Variants in CFAP46 observed in about 807,000 individuals in gnomAD.
CFAP46 encodes cilia- and flagella-associated protein 46.
In CFAP46, 245 loss-of-function variants were observed where a neutral mutation model predicts 325.7. The ratio of observed to expected loss-of-function variants is 0.75; its 90% confidence interval spans 0.68 to 0.84. The LOEUF (loss-of-function observed/expected upper bound fraction) is 0.84. CFAP46 is among the 40% of genes least tolerant of loss of function. CFAP46 has a pLI of 0.00. For synonymous variants in CFAP46, 1,523 were observed against 1,495.9 expected, an observed-to-expected ratio of 1.02 and a Z score of -0.42; for missense variants, 3,346 against 3,543.0, an observed-to-expected ratio of 0.94 and a Z score of 1.41.
intron 35 of CFAP46, among the ~76,000 whole-genome samples, chr10:132,864,144 CT>C (rs2135254950): frequency 7.2e-6 from 1 of 138,334 alleles, no homozygotes. Context: ...ACCTGTCCCC[CT>C]GCCTGAGACC....
At position 132,886,914 on chromosome 10, in the gene CFAP46, C is replaced by T. The variant is rs1849140342; in HGVS notation, c.3305-955G>A. Among the ~76,000 whole-genome samples, 1 of 152,076 alleles carries T rather than the reference C, an allele frequency of 6.6e-6. No individual in the cohort carries two copies. Among genetic ancestry groups the T allele is most frequent in the Admixed American group, 6.5e-5 (1 of 15,276 alleles). Reference sequence around the variant, plus strand: ...CATGGGCGCTGCCCAGCCCAGCCTGCACACCCTTCCCCTGACGGTAATTCC... The same window carrying T: ...CATGGGCGCTGCCCAGCCCAGCCTGTACACCCTTCCCCTGACGGTAATTCC... On this transcript the variant is annotated intron_variant, in intron 25 of 57. Transcript: ENST00000368586. The surrounding 1 kb of genome is among the most constrained non-coding windows in gnomAD (Gnocchi z 5.8).
rs909003699 is a variant in CFAP46, at chr10:132,814,342, G to A, written c.7286-88C>T. ...GGGGTCCCTGGGGAGGGGTCACAGC[G>A]AATGCAGGCGCATATATCAGTGCCC... On this transcript the variant is annotated intron_variant, in intron 53 of 57. Transcript: ENST00000368586. The A allele has an allele frequency of 3.8e-5, 44 of 1,161,928 alleles. 1 individual carries two copies. The highest frequency in any genetic ancestry group is 5.0e-5 in the Non-Finnish European group (40 of 796,374). 72.0% of individuals were successfully genotyped at this position (1,161,928 alleles called of 1,614,324 possible). A position where few individuals can be genotyped will look rare whatever the true frequency, so the allele number is the denominator to read the frequency against.
intron 29 of CFAP46, among the ~76,000 whole-genome samples, chr10:132,878,845 G>A (rs1037991223): frequency 7.2e-5 from 11 of 152,230 alleles, no homozygotes; most frequent in East Asian, 1.9e-4. Flanking sequence ...CATGCCTGGC[G>A]CTGCCCTGCT....
At chr10:132,942,197 T>A in intron 1 of CFAP46, 93 bp from the exon 2 acceptor site, 1 of 1,480,798 alleles carries the variant, frequency 6.8e-7, no homozygotes, top group Non-Finnish European at 9.1e-7. Context: ...GCAGCCGCCT[T>A]GGGCCCCCGG....
In CFAP46 at chr10:132,936,959, AC is replaced by A; in HGVS notation, c.755+1del. On this transcript the variant is annotated splice_donor_variant, in intron 7 of 57. Coordinates refer to ENST00000368586, the MANE Select transcript of CFAP46 (RefSeq NM_001200049.3). LOFTEE classifies it high-confidence loss of function. ...TTTGCTCTCCCTCCCAAAACGACTT[AC>A]GCCTTTAGCATATTAATATAGAAAG... is the stretch of plus-strand genomic sequence containing the variant. 6.6e-7 allele frequency: 1 copy of A among 1,516,296 alleles called. No homozygotes were observed. The highest frequency in any genetic ancestry group is 8.9e-7 in the Non-Finnish European group (1 of 1,119,548). 93.9% of individuals were successfully genotyped at this position (1,516,296 alleles called of 1,614,324 possible).
intron 19 of CFAP46, among the ~76,000 whole-genome samples, chr10:132,911,457 C>T (rs10870354): frequency 0.03 from 4,586 of 152,262 alleles, 97 homozygotes; most frequent in East Asian, 0.065. Context: ...GACAGCTCCC[C>T]CGCCCCGTGC....
chr10:132,879,144 G>A (rs917134083), intron 29 of CFAP46, among the ~76,000 whole-genome samples: 4 of 152,204 alleles, frequency 2.6e-5, no homozygotes, highest in Non-Finnish European at 5.9e-5. Flanking sequence ...GATCTGGAGG[G>A]AGCCACGAGC....
chr10:132,920,637 C>T (rs1195979923), intron 13 of CFAP46, among the ~76,000 whole-genome samples: 1 of 152,242 alleles, frequency 6.6e-6, no homozygotes, highest in Non-Finnish European at 1.5e-5. Flanking sequence ...ACCCGGAACT[C>T]AGCTCCACAC....
At chr10:132,907,781 G>A (rs531686676) in intron 22 of CFAP46, among the ~76,000 whole-genome samples, 12 of 152,272 alleles carry the variant, frequency 7.9e-5, no homozygotes, top group African/African-American at 2.9e-4. Context: ...TGGGGATGGA[G>A]CCCTCACAAA....
intron 35 of CFAP46, among the ~76,000 whole-genome samples, chr10:132,861,310 T>C (rs565970733): frequency 1.3e-5 from 2 of 152,302 alleles, no homozygotes; most frequent in South Asian, 2.1e-4. Context: ...TTCCATTTAA[T>C]TATATTTCAG....
Position 132,914,814 on chromosome 10 carries a change from A to G in CFAP46, c.2121-1556T>C, listed in dbSNP as rs962113063. 8.4e-3 allele frequency among the ~76,000 whole-genome samples: 1,251 copies of G among 148,740 alleles called. 19 individuals carry two copies. Among genetic ancestry groups the G allele is most frequent in the African/African-American group, 0.029 (1,146 of 39,382 alleles). Reference sequence around the variant, plus strand: ...CCGAGGCTGTGTCCAGCCACACTGCACCCCGGCCCGAGGCTGTGTCCAGCC... The same window carrying G: ...CCGAGGCTGTGTCCAGCCACACTGCGCCCCGGCCCGAGGCTGTGTCCAGCC... On this transcript the variant is annotated intron_variant, in intron 17 of 57. Transcript: ENST00000368586.
intron 15 of CFAP46, 91 bp from the exon 16 acceptor site, chr10:132,918,611 G>T: frequency 1.4e-6 from 2 of 1,435,306 alleles, no homozygotes; most frequent in Non-Finnish European, 1.8e-6. Context: ...GAGTGCCTGA[G>T]CCTCTCCCCA....
In CFAP46 at chr10:132,824,502, CTGA is replaced by C. The variant is rs541704013; in HGVS notation, c.7117+8853_7117+8855del. On this transcript the variant is annotated intron_variant, in intron 50 of 57. Transcript: ENST00000368586. ...TGCTGTGTGCGCTGTGTGCTGTGTGCTGATGTGTGCTGATGTGTGCTGTGTGCT... is the reference window on the plus strand; with the variant it reads ...TGCTGTGTGCGCTGTGTGCTGTGTGCTGTGTGCTGATGTGTGCTGTGTGCT... 1.8e-3 allele frequency among the ~76,000 whole-genome samples: 129 copies of C among 72,284 alleles called. 1 individual carries two copies. The South Asian group carries it at 0.028, about 16-fold the overall frequency. 47.4% of individuals were successfully genotyped at this position (72,284 alleles called of 152,430 possible).
intron 50 of CFAP46, among the ~76,000 whole-genome samples, chr10:132,821,951 TTGTGTGTGCTG>T (rs1847849965): frequency 7.5e-6 from 1 of 132,566 alleles, no homozygotes; most frequent in Non-Finnish European, 1.6e-5. Context: ...GTGTGTGCGC[TTGTGTGTGCTG>T]TGTGTGCGCT....
intron 32 of CFAP46, among the ~76,000 whole-genome samples, chr10:132,871,722 A>C (rs1848897871): frequency 6.6e-6 from 1 of 152,226 alleles, no homozygotes; most frequent in Non-Finnish European, 1.5e-5. Context: ...TGAGCAGAGA[A>C]AGTGGTTTCT....
At chr10:132,906,900 G>A (rs11146579) in intron 22 of CFAP46, among the ~76,000 whole-genome samples, 5,340 of 131,808 alleles carry the variant, frequency 0.041, 867 homozygotes, top group African/African-American at 0.18. Context: ...GTGATGCCCC[G>A]TGCTGGGCAC....
intron 7 of CFAP46, among the ~76,000 whole-genome samples, chr10:132,935,227 C>A (rs527753557): frequency 6.6e-6 from 1 of 152,192 alleles, no homozygotes; most frequent in African/African-American, 2.4e-5. Context: ...CCATAGGACA[C>A]AAATACCTCA....
intron 50 of CFAP46, among the ~76,000 whole-genome samples, chr10:132,826,641 CA>C (rs1848060434): frequency 8.1e-6 from 1 of 123,818 alleles, no homozygotes; most frequent in African/African-American, 3.2e-5. Context: ...GCCGGAGCCA[CA>C]GAGACCAGCC....
At position 132,939,767 on chromosome 10, in the gene CFAP46, C is replaced by G. The variant is rs1259040199; in HGVS notation, c.372-1014G>C. 6.6e-6 allele frequency among the ~76,000 whole-genome samples: 1 copy of G among 152,160 alleles called. No individual in the cohort carries two copies. The highest frequency in any genetic ancestry group is 1.9e-4 in the East Asian group (1 of 5,184). ...GCGTCTCCCTGAGTGCTGCGTCTCC[C>G]TGAGTGCTGCGTCTCGAAAGGAACC... On this transcript the variant is annotated intron_variant, in intron 4 of 57. Coordinates refer to ENST00000368586, the MANE Select transcript of CFAP46 (RefSeq NM_001200049.3). The surrounding 1 kb of genome is among the most constrained non-coding windows in gnomAD (Gnocchi z 4.6).
Sources: allele counts gnomAD v4.1 joint callset (sites outside exome capture counted in the v4.1 genomes callset), GRCh38; gene constraint gnomAD v4.1.1; non-coding constraint Gnocchi (gnomAD v3.1); transcripts MANE v1.5; gene names NCBI Gene and HGNC (gene_info 2026-07-23, HGNC 2026-07-21).